IBTK: variants seen among roughly 807,000 people sequenced by gnomAD.
IBTK encodes the protein inhibitor of Bruton tyrosine kinase.
Under a neutral mutation model 154.9 loss-of-function variants are expected in IBTK, and 83 were observed. That is an observed-to-expected ratio of 0.54 (90% CI 0.45 to 0.64). The LOEUF (loss-of-function observed/expected upper bound fraction) is 0.64, where lower values mean the gene tolerates loss of function less well. IBTK is among the 30% of genes least tolerant of loss of function. The pLI is 0.00. For missense variants in IBTK, 1,332 were observed against 1,584.6 expected (o/e 0.84, Z 2.71); for synonymous variants, 515 against 536.1 (o/e 0.96, Z 0.54).
At chr6:82,203,429 T>C (rs1304054055) in intron 17 of IBTK, among the ~76,000 whole-genome samples, 2 of 152,164 alleles carry the variant, frequency 1.3e-5, no homozygotes, top group Non-Finnish European at 2.9e-5. Flanking sequence ...TTCTTGCATT[T>C]CTTTTTCTTT....
rs761215149 is a variant in IBTK at position 82,172,505 on chromosome 6, G to T, written c.3805C>A (p.Leu1269Ile). ...GATGGAGCAGTCACTGAAGAAGATA[G>T]CCAGGGACTGAAAGAATAATAATAA... ...LPLLDSPNPW[L>I]SSSVTAPSMV... Residue 1269 changes from leucine (L) to isoleucine (I), a missense_variant, in exon 28 of 29, where the codon CTA becomes ATA. Physicochemically the swap from Leu to Ile is conservative, Grantham distance 5. This residue lies in a region of IBTK where 1,134 missense variants were observed against 1,274.7 expected (regional missense o/e 0.89). Transcript: ENST00000306270. 10 of 1,606,922 alleles carry T rather than the reference G, an allele frequency of 6.2e-6. No individual in the cohort carries two copies. In the East Asian group the frequency reaches 2.0e-4, roughly 32 times the overall value.
chr6:82,246,965 C>T (rs1461023307), intron 1 of IBTK, among the ~76,000 whole-genome samples: 1 of 152,164 alleles, frequency 6.6e-6, no homozygotes, highest in Non-Finnish European at 1.5e-5. Context: ...CAAGGACGGC[C>T]TATGTTACCT....
At chr6:82,232,346 A>G (rs779327270) in intron 3 of IBTK, among the ~76,000 whole-genome samples, 2 of 152,228 alleles carry the variant, frequency 1.3e-5, no homozygotes, top group African/African-American at 2.4e-5. Context: ...TAAATGTTGC[A>G]AATGTGATAT....
At chr6:82,172,629 A>T in intron 27 of IBTK, 117 bp from the exon 28 acceptor site, 1 of 795,936 alleles carries the variant, frequency 1.3e-6, no homozygotes, top group South Asian at 2.3e-5. Context: ...CAATGAACGA[A>T]CCTGGAAGCT....
At chr6:82,207,086 G>C (rs2127810748) in intron 16 of IBTK, among the ~76,000 whole-genome samples, 1 of 152,126 alleles carries the variant, frequency 6.6e-6, no homozygotes, top group Admixed American at 6.5e-5. Flanking sequence ...CATCTAATCA[G>C]GGCAATTAAG....
intron 4 of IBTK, among the ~76,000 whole-genome samples, chr6:82,229,647 ACACTTGCTGC>A (rs1227915725): frequency 6.6e-6 from 1 of 152,088 alleles, no homozygotes; most frequent in East Asian, 1.9e-4. Flanking sequence ...AGCAGCTTGT[ACACTTGCTGC>A]CCCTGCTCTG....
chr6:82,209,328 A>G (rs1440939238), intron 16 of IBTK, among the ~76,000 whole-genome samples: 7 of 152,252 alleles, frequency 4.6e-5, no homozygotes, highest in African/African-American at 1.7e-4. Flanking sequence ...CCCAACATCC[A>G]TCAACTGATG....
chr6:82,223,463 A>ATAGTCTGCAAGTAAG lies in IBTK; in HGVS notation c.1086_1100dup (p.Leu363_Tyr367dup), dbSNP rs1182100777. 2.5e-6 allele frequency: 4 copies of ATAGTCTGCAAGTAAG among 1,613,728 alleles called. No homozygotes were observed. Among genetic ancestry groups the ATAGTCTGCAAGTAAG allele is most frequent in the Non-Finnish European group, 3.4e-6 (4 of 1,179,762 alleles). ...ACTTAGAAGCCATCTTCTTGCACTG[A>ATAGTCTGCAAGTAAG]TAGTCTGCAAGTAAGTAAATATCTC... On this transcript the variant is annotated inframe_insertion, in exon 8 of 29. Transcript: ENST00000306270.
intron 1 of IBTK, 58 bp downstream of exon 1, chr6:82,247,504 C>T (rs1771201710): frequency 2.5e-6 from 1 of 398,448 alleles, no homozygotes; most frequent in Non-Finnish European, 4.4e-6. Context: ...TCTCCCCCTG[C>T]CCCCGGGCTG....
chr6:82,194,572 T>C lies in IBTK; in HGVS notation c.3245A>G (p.Lys1082Arg), dbSNP rs1768908896. Residue 1082 changes from lysine to arginine, a missense_variant, in exon 23 of 29, where the codon AAG becomes AGG. By Grantham distance (26) the Lys-to-Arg change is conservative (BLOSUM62 2). Around this residue, in one of 3 missense-constraint regions of IBTK, gnomAD observed 1,134 missense variants for 1,274.7 expected, o/e 0.89. Coordinates refer to ENST00000306270, the MANE Select transcript of IBTK (RefSeq NM_015525.4). ...YSREDLKPWE[K>R]SPILKISAPQ... ...AGCAGATATTTTAAGTATTGGTGAC[T>C]TTTCCCATGGTTTTAAATCTTCCCT... is the stretch of plus-strand genomic sequence containing the variant. 2 of 1,611,620 alleles carry C rather than the reference T, an allele frequency of 1.2e-6. No homozygotes were observed. The highest frequency in any genetic ancestry group is 2.7e-5 in the African/African-American group (2 of 74,848).
chr6:82,246,441 C>CTTTTTTTT (rs1554189129), intron 1 of IBTK, among the ~76,000 whole-genome samples: 6 of 111,680 alleles, frequency 5.4e-5, no homozygotes, highest in African/African-American at 1.0e-4. Context: ...TTACAGGCAT[C>CTTTTTTTT]TTTTTTTTTT....
chr6:82,225,669 A>G, intron 5 of IBTK, 22 bp from the exon 6 acceptor site: 1 of 1,563,600 alleles, frequency 6.4e-7, no homozygotes, highest in Non-Finnish European at 8.7e-7. Flanking sequence ...AATTAACTTT[A>G]GTATACTACA....
At position 82,240,846 on chromosome 6, in the gene IBTK, A is replaced by AT. The variant is rs1259286935; in HGVS notation, c.-357-4dup. On this transcript the variant is annotated splice_polypyrimidine_tract_variant and splice_region_variant and intron_variant, in intron 1 of 28. Coordinates refer to ENST00000306270, the MANE Select transcript of IBTK (RefSeq NM_015525.4). The stretch of plus-strand genomic sequence containing the variant: ...ATATCCATAATTGCAAGGGTGACCT[A>AT]TAAGAGAAAGAGAAGAGAAAATAAA... 3.4e-5 allele frequency: 14 copies of AT among 407,370 alleles called. No homozygotes were observed. The highest frequency in any genetic ancestry group is 5.2e-5 in the Non-Finnish European group (12 of 231,788). The allele number at this position is 407,370 out of a possible 1,614,324, so 25.2% of individuals were successfully genotyped here.
At chr6:82,193,284 G>A (rs16893982) in intron 23 of IBTK, among the ~76,000 whole-genome samples, 2 of 152,200 alleles carry the variant, frequency 1.3e-5, no homozygotes, top group African/African-American at 4.8e-5. Flanking sequence ...TTTTGTCAAT[G>A]AGCATAGTAC....
At position 82,204,947 on chromosome 6, in the gene IBTK, C is replaced by A; in HGVS notation, c.2521G>T (p.Val841Leu). ...EAVVIKESQN[V>L]DFICSVLVVA... ...ACAAGAACACTACAAATAAAATCTA[C>A]ATTTTGAGATTCTAAAAAAAGAAAG... Residue 841 changes from valine to leucine, a missense_variant, in exon 17 of 29, where the codon GTA (valine) becomes TTA (leucine). Physicochemically the swap from Val to Leu is conservative, Grantham distance 32. This residue lies in a region of IBTK where 1,134 missense variants were observed against 1,274.7 expected (regional missense o/e 0.89). Coordinates refer to ENST00000306270, the MANE Select transcript of IBTK (RefSeq NM_015525.4). 1 of 1,585,984 alleles carries A rather than the reference C, an allele frequency of 6.3e-7. No homozygotes were observed. Among genetic ancestry groups the A allele is most frequent in the Non-Finnish European group, 8.6e-7 (1 of 1,163,630 alleles).
intron 17 of IBTK, among the ~76,000 whole-genome samples, chr6:82,203,210 G>A (rs1769276747): frequency 6.6e-6 from 1 of 151,944 alleles, no homozygotes; most frequent in South Asian, 2.1e-4. Flanking sequence ...TCACACCAGT[G>A]AAAAATCTGA....
chr6:82,223,375 C>G, intron 8 of IBTK, 65 bp downstream of exon 8: 1 of 1,298,284 alleles, frequency 7.7e-7, no homozygotes, highest in Non-Finnish European at 1.1e-6. Context: ...AGCTAACACT[C>G]AGATATTTGC....
At chr6:82,227,694 A>G (rs1381544522) in intron 4 of IBTK, among the ~76,000 whole-genome samples, 1 of 152,130 alleles carries the variant, frequency 6.6e-6, no homozygotes, top group African/African-American at 2.4e-5. Flanking sequence ...ATTACCAAAT[A>G]GTGATATATG....
chr6:82,200,457 A>G (rs1354970688), intron 20 of IBTK, 130 bp downstream of exon 20: 2 of 915,254 alleles, frequency 2.2e-6, no homozygotes, highest in Non-Finnish European at 3.2e-6. Flanking sequence ...TTCTTATGTC[A>G]GAATTTCTCA....
Sources: allele counts gnomAD v4.1 joint callset (sites outside exome capture counted in the v4.1 genomes callset), GRCh38; gene constraint gnomAD v4.1.1; regional missense constraint gnomAD v4.1.1; transcripts MANE v1.5; gene names NCBI Gene and HGNC (gene_info 2026-07-23, HGNC 2026-07-21).